NAP1L1: variants seen among roughly 807,000 people sequenced by gnomAD.
The protein encoded by NAP1L1 is nucleosome assembly protein 1-like 1.
Under a neutral mutation model 58.9 loss-of-function variants are expected in NAP1L1, and 9 were observed. The ratio of observed to expected loss-of-function variants is 0.15; its 90% CI spans 0.09 to 0.27. The LOEUF (loss-of-function observed/expected upper bound fraction) is 0.27, where lower values mean the gene tolerates loss of function less well. Among genes scored for constraint, NAP1L1 ranks in the 10% least tolerant of loss-of-function variants. The probability of loss-of-function intolerance (pLI) is 1.00; values close to 1 mark genes in which losing one functional copy is unlikely to be tolerated. For synonymous variants in NAP1L1, 130 were observed against 138.3 expected, an observed-to-expected ratio of 0.94 and a Z score of 0.42; for missense variants, 302 against 458.8, an observed-to-expected ratio of 0.66 and a Z score of 3.12.
chr12:76,071,926 C>T (rs1190850767), intron 2 of NAP1L1, among the ~76,000 whole-genome samples: 1 of 149,932 alleles, frequency 6.7e-6, no homozygotes, highest in Non-Finnish European at 1.5e-5. Context: ...GATCTTTACC[C>T]AGACACTGTT....
chr12:76,065,645 T>C (rs1362448438), intron 4 of NAP1L1, among the ~76,000 whole-genome samples: 2 of 151,528 alleles, frequency 1.3e-5, no homozygotes, highest in African/African-American at 2.4e-5. Flanking sequence ...ACTTAACCAA[T>C]AGACTCTATG....
intron 6 of NAP1L1, chr12:76,057,475 T>G: frequency 1.1e-5 from 7 of 651,164 alleles, no homozygotes; most frequent in Non-Finnish European, 2.0e-5. Context: ...ATTTGTCGGC[T>G]CAGCTGGCAA....
chr12:76,074,683 C>T (rs1480613127), intron 1 of NAP1L1, among the ~76,000 whole-genome samples: 4 of 152,172 alleles, frequency 2.6e-5, no homozygotes. Context: ...TAGCAATATT[C>T]ATTTTATGTA....
chr12:76,079,241 T>C lies in NAP1L1; in HGVS notation c.-20-5002A>G, dbSNP rs114100770. ...CCAAAACATCTTTTAAGAATGAAGG[T>C]GAGGCCATGTGCGGTAGCTCACGTC... On this transcript the variant is annotated intron_variant, in intron 1 of 14. Coordinates refer to ENST00000618691, the MANE Select transcript of NAP1L1 (RefSeq NM_004537.7). Among the ~76,000 whole-genome samples the C allele has an allele frequency of 4.3e-3, 656 of 152,244 alleles. 5 individuals are homozygous for C. Among genetic ancestry groups the C allele is most frequent in the African/African-American group, 0.015 (642 of 41,526 alleles).
Position 76,050,585 on chromosome 12 carries a change from G to T in NAP1L1, c.1005C>A (p.Ile335=). ...CAGTAAAATATAACACTGATCTTGG[G>T]ATTATACGCTCACGTAAAAAGTGAC... ...EIGHFLRERI[I]PRSVLYFTGE... is the part of the protein sequence containing the mutation. Residue 335 remains isoleucine, a synonymous_variant, in exon 12 of 15, where the codon ATC becomes ATA. Transcript: ENST00000618691. 2 of 1,612,756 alleles carry T rather than the reference G, an allele frequency of 1.2e-6. No individual in the cohort carries two copies. The highest frequency in any genetic ancestry group is 1.7e-6 in the Non-Finnish European group (2 of 1,179,644).
intron 4 of NAP1L1, among the ~76,000 whole-genome samples, chr12:76,063,244 T>C (rs962072733): frequency 5.3e-5 from 8 of 152,148 alleles, no homozygotes; most frequent in Non-Finnish European, 1.2e-4. Flanking sequence ...AGAAAGCACA[T>C]TTATGAACAA....
At chr12:76,060,939 A>T (rs7960446) in intron 4 of NAP1L1, 6,531 of 298,156 alleles carry the variant, frequency 0.022, 443 homozygotes, top group African/African-American at 0.14. Context: ...CAAAAAATAC[A>T]AAAATTAGCT....
intron 2 of NAP1L1, among the ~76,000 whole-genome samples, chr12:76,070,721 G>A (rs1021667159): frequency 9.2e-5 from 14 of 152,208 alleles, no homozygotes; most frequent in Middle Eastern, 6.8e-3. Context: ...ACTGGTTCCA[G>A]GAAACCTCCC....
chr12:76,083,408 G>A (rs1950482425), intron 1 of NAP1L1, among the ~76,000 whole-genome samples: 1 of 149,886 alleles, frequency 6.7e-6, no homozygotes, highest in Non-Finnish European at 1.5e-5. Flanking sequence ...GGCTTCCCTG[G>A]GCCACACTAG....
At chr12:76,082,505 G>C (rs1950447166) in intron 1 of NAP1L1, among the ~76,000 whole-genome samples, 1 of 152,208 alleles carries the variant, frequency 6.6e-6, no homozygotes, top group African/African-American at 2.4e-5. Context: ...AATTGGTATA[G>C]TGAAAACTTT....
intron 4 of NAP1L1, among the ~76,000 whole-genome samples, chr12:76,065,350 TA>T (rs772157139): frequency 6.6e-6 from 1 of 151,758 alleles, no homozygotes; most frequent in African/African-American, 2.4e-5. Context: ...CAAAGAATAC[TA>T]ATGTTTAACA....
chr12:76,042,027 A>T lies in NAP1L1; in HGVS notation c.*6402T>A, dbSNP rs1021917937. ...AGAAAGGAATGAGATGAGATTTTCAAACCTAGCTCACTTTAGGTTAAGGTC... is the reference window on the plus strand; with the variant it reads ...AGAAAGGAATGAGATGAGATTTTCATACCTAGCTCACTTTAGGTTAAGGTC... On this transcript the variant is annotated 3_prime_UTR_variant, in exon 15 of 15. Coordinates refer to ENST00000618691, the MANE Select transcript of NAP1L1 (RefSeq NM_004537.7). 5.9e-5 allele frequency: 9 copies of T among 152,190 alleles called. No individual in the cohort carries two copies. The highest frequency in any genetic ancestry group is 1.3e-4 in the Non-Finnish European group (9 of 68,038). The allele number at this position is 152,190 out of a possible 1,614,324, so 9.4% of individuals were successfully genotyped here.
rs374568824 is a variant in NAP1L1, at chr12:76,049,803, C to T, written c.1060-18G>A. Reference sequence around the variant, plus strand: ...TCATCATACTGAAAAGGAAAAACAGCGTTAAGTGTTGAGTGAATGTAACAC... The same window carrying T: ...TCATCATACTGAAAAGGAAAAACAGTGTTAAGTGTTGAGTGAATGTAACAC... On this transcript the variant is annotated intron_variant, in intron 12 of 14. Coordinates refer to ENST00000618691, the MANE Select transcript of NAP1L1 (RefSeq NM_004537.7). 1.2e-5 allele frequency: 20 copies of T among 1,612,152 alleles called. No individual in the cohort carries two copies. The highest frequency in any genetic ancestry group is 1.1e-4 in the South Asian group (10 of 90,912).
At chr12:76,053,647 A>C in intron 9 of NAP1L1, 123 bp downstream of exon 9, 1 of 1,210,888 alleles carries the variant, frequency 8.3e-7, no homozygotes, top group Non-Finnish European at 1.1e-6. Flanking sequence ...TTTTCAGAAA[A>C]CATATTACCA....
Position 76,042,490 on chromosome 12 carries a change from A to G in NAP1L1, c.*5939T>C, listed in dbSNP as rs1565706058. ...CAGAGACATTTGTTTAGGGGCTGAA[A>G]AGTTTTAGTCTAAAATTAGATCTCC... On this transcript the variant is annotated 3_prime_UTR_variant, in exon 15 of 15. Transcript: ENST00000618691. 6.6e-6 allele frequency: 1 copy of G among 152,198 alleles called. No homozygotes were observed. Among genetic ancestry groups the G allele is most frequent in the Non-Finnish European group, 1.5e-5 (1 of 68,026 alleles). 9.4% of individuals were successfully genotyped at this position (152,198 alleles called of 1,614,324 possible).
At chr12:76,063,431 A>C (rs1949509094) in intron 4 of NAP1L1, among the ~76,000 whole-genome samples, 1 of 152,246 alleles carries the variant, frequency 6.6e-6, no homozygotes, top group South Asian at 2.1e-4. Context: ...AAATAAATTA[A>C]AAAATAGAGA....
At chr12:76,058,999 C>T (rs1005142405) in intron 6 of NAP1L1, among the ~76,000 whole-genome samples, 11 of 152,156 alleles carry the variant, frequency 7.2e-5, no homozygotes, top group African/African-American at 2.2e-4. Flanking sequence ...CTTAAAACCA[C>T]GTATGTGCAC....
In NAP1L1 at chr12:76,037,452, T is replaced by C. The variant is rs1271922428; in HGVS notation, c.*10977A>G. 1 of 152,496 alleles carries C rather than the reference T, an allele frequency of 6.6e-6. No homozygotes were observed. Among genetic ancestry groups the C allele is most frequent in the Non-Finnish European group, 1.5e-5 (1 of 68,084 alleles). 9.4% of individuals were successfully genotyped at this position (152,496 alleles called of 1,614,324 possible). On this transcript the variant is annotated 3_prime_UTR_variant, in exon 15 of 15. Transcript: ENST00000618691. ...CTGCCAGCAGCCTAATTCAGTTCTC[T>C]CATCTAAGTTCTTGGGTGGCCCAAT...
Position 76,043,514 on chromosome 12 carries a change from GTCA to G in NAP1L1, c.*4912_*4914del, listed in dbSNP as rs949255934. On this transcript the variant is annotated 3_prime_UTR_variant, in exon 15 of 15. Transcript: ENST00000618691. ...AAAAAAAAAATTTCTACATGGAATGGTCATCCTCATCCTCACTTGAAATACTCT... is the reference window on the plus strand; with the variant it reads ...AAAAAAAAAATTTCTACATGGAATGGTCCTCATCCTCACTTGAAATACTCT... 1.6e-4 allele frequency: 24 copies of G among 151,418 alleles called. No individual in the cohort carries two copies. Among genetic ancestry groups the G allele is most frequent in the African/African-American group, 5.3e-4 (22 of 41,256 alleles). 9.4% of individuals were successfully genotyped at this position (151,418 alleles called of 1,614,324 possible).
Sources: gnomAD v4.1 joint callset for allele counts (sites outside exome capture counted in the v4.1 genomes callset) on GRCh38, gnomAD v4.1.1 for gene constraint, MANE v1.5 for transcripts, NCBI Gene and HGNC (gene_info 2026-07-23, HGNC 2026-07-21) for gene names.